The following AUTS2 variants were observed in gnomAD, a reference collection of about 807,000 sequenced individuals.
The protein encoded by AUTS2 is activator of transcription and developmental regulator AUTS2.
Under a neutral mutation model 112.4 loss-of-function variants are expected in AUTS2, and 17 were observed. The observed-to-expected ratio is 0.15, with a 90% confidence interval of 0.10 to 0.23. The LOEUF (loss-of-function observed/expected upper bound fraction) is 0.23. Among genes scored for constraint, AUTS2 ranks in the 10% least tolerant of loss-of-function variants. The pLI is 1.00. For missense variants in AUTS2, 1,510 were observed against 1,701.6 expected, an observed-to-expected ratio of 0.89 and a Z score of 1.98; for synonymous variants, 751 against 702.7, an observed-to-expected ratio of 1.07 and a Z score of -1.09.
At chr7:70,286,186 CA>C (rs1419842977) in intron 4 of AUTS2, among the ~76,000 whole-genome samples, 2 of 152,160 alleles carry the variant, frequency 1.3e-5, no homozygotes, top group Non-Finnish European at 2.9e-5. Context: ...AGGTCATTGG[CA>C]GCGTAAAAAT....
chr7:70,516,918 A>G (rs1282397576), intron 5 of AUTS2, among the ~76,000 whole-genome samples: 1 of 152,142 alleles, frequency 6.6e-6, no homozygotes, highest in Non-Finnish European at 1.5e-5. Flanking sequence ...CCTGGTTACA[A>G]TGAAAAAAAA....
At chr7:70,497,800 G>A (rs1798615234) in intron 5 of AUTS2, among the ~76,000 whole-genome samples, 1 of 152,160 alleles carries the variant, frequency 6.6e-6, no homozygotes, top group Non-Finnish European at 1.5e-5. Context: ...GTCTGAGAAA[G>A]CACAGGGCCT....
intron 4 of AUTS2, among the ~76,000 whole-genome samples, chr7:70,341,918 G>A (rs760066395): frequency 1.3e-5 from 2 of 152,194 alleles, no homozygotes; most frequent in Non-Finnish European, 2.9e-5. Flanking sequence ...TATAGGTTCT[G>A]GTTTTCTTGA....
chr7:69,767,912 G>A (rs762898573), intron 1 of AUTS2, among the ~76,000 whole-genome samples: 35 of 152,160 alleles, frequency 2.3e-4, no homozygotes, highest in Non-Finnish European at 1.5e-4. Flanking sequence ...CTCCTCTAGA[G>A]CAAGTTAGTC....
At chr7:70,340,783 A>G (rs1791228257) in intron 4 of AUTS2, among the ~76,000 whole-genome samples, 2 of 152,246 alleles carry the variant, frequency 1.3e-5, no homozygotes, top group African/African-American at 4.8e-5. Context: ...TGACATTTAC[A>G]ATTCTGCTAA....
intron 1 of AUTS2, among the ~76,000 whole-genome samples, chr7:69,737,632 C>A (rs1454806893): frequency 6.6e-6 from 1 of 152,118 alleles, no homozygotes; most frequent in Non-Finnish European, 1.5e-5. Flanking sequence ...GAGCAGCCTG[C>A]CTTGTTCATG....
intron 2 of AUTS2, among the ~76,000 whole-genome samples, chr7:70,080,828 A>G (rs1562671167): frequency 6.6e-6 from 1 of 152,184 alleles, no homozygotes; most frequent in Non-Finnish European, 1.5e-5. Flanking sequence ...AATGCCACCA[A>G]CTGTCGAACA....
intron 1 of AUTS2, among the ~76,000 whole-genome samples, chr7:69,887,737 A>G (rs751376729): frequency 1.5e-4 from 23 of 152,226 alleles, no homozygotes; most frequent in Non-Finnish European, 2.8e-4. Flanking sequence ...ATTCTGTGGA[A>G]TATCTGCAAC....
At chr7:70,705,649 A>G (rs1279247661) in intron 6 of AUTS2, among the ~76,000 whole-genome samples, 1 of 151,916 alleles carries the variant, frequency 6.6e-6, no homozygotes, top group Non-Finnish European at 1.5e-5. Flanking sequence ...CCTCCACCCC[A>G]CAGACTTGAC....
At chr7:70,747,029 A>G (rs1354973721) in intron 6 of AUTS2, among the ~76,000 whole-genome samples, 1 of 152,152 alleles carries the variant, frequency 6.6e-6, no homozygotes, top group African/African-American at 2.4e-5. Flanking sequence ...GGGACAGGAC[A>G]GAGTGGGAGT....
chr7:69,928,560 C>T (rs1037616340), intron 2 of AUTS2, among the ~76,000 whole-genome samples: 15 of 152,194 alleles, frequency 9.9e-5, no homozygotes, highest in Non-Finnish European at 2.9e-5. Flanking sequence ...TAGCAGGGGG[C>T]TGGTATACCA....
Position 70,690,344 on chromosome 7 carries a change from C to G in AUTS2, c.691-8225C>G, listed in dbSNP as rs1028278330. On this transcript the variant is annotated intron_variant, in intron 5 of 18. Transcript: ENST00000342771. ...AGGCATGGTGACATCCTTGCCGAGG[C>G]TAGTTGGAGTTATCACCCTCCTTCA... Among the ~76,000 whole-genome samples, 3 of 152,350 alleles carry G rather than the reference C, an allele frequency of 2.0e-5. No homozygotes were observed. The South Asian group carries it at 6.2e-4, about 32-fold the overall frequency.
At chr7:69,636,357 A>AGTAC (rs1025746314) in intron 1 of AUTS2, among the ~76,000 whole-genome samples, 8 of 151,894 alleles carry the variant, frequency 5.3e-5, no homozygotes, top group African/African-American at 1.9e-4. Flanking sequence ...CAGCCTCCTG[A>AGTAC]GTACGTAGCT....
At chr7:70,406,344 C>A (rs1794532333) in intron 4 of AUTS2, among the ~76,000 whole-genome samples, 1 of 152,160 alleles carries the variant, frequency 6.6e-6, no homozygotes, top group African/African-American at 2.4e-5. Context: ...CCGGTTGGAG[C>A]TGGTGTGACA....
At chr7:70,698,162 G>A (rs533578434) in intron 5 of AUTS2, among the ~76,000 whole-genome samples, 1 of 152,086 alleles carries the variant, frequency 6.6e-6, no homozygotes, top group Admixed American at 6.5e-5. Context: ...TAAATAATAG[G>A]CATTTCTGAT....
At chr7:70,307,396 A>G (rs1789538632) in intron 4 of AUTS2, among the ~76,000 whole-genome samples, 1 of 152,170 alleles carries the variant, frequency 6.6e-6, no homozygotes, top group South Asian at 2.1e-4. Flanking sequence ...AGGGGTGGCA[A>G]ACCTGACCCT....
At chr7:69,921,954 C>T (rs1795834524) in intron 2 of AUTS2, among the ~76,000 whole-genome samples, 1 of 151,832 alleles carries the variant, frequency 6.6e-6, no homozygotes, top group Non-Finnish European at 1.5e-5. Context: ...ATCCCAGCTG[C>T]TTGGGAGGCT....
At chr7:69,637,300 T>C (rs1353785084) in intron 1 of AUTS2, among the ~76,000 whole-genome samples, 1 of 152,242 alleles carries the variant, frequency 6.6e-6, no homozygotes, top group Non-Finnish European at 1.5e-5. Context: ...TTAACATTTT[T>C]TATGCATACT....
chr7:69,681,465 G>T (rs1796792324), intron 1 of AUTS2, among the ~76,000 whole-genome samples: 1 of 152,164 alleles, frequency 6.6e-6, no homozygotes, highest in Non-Finnish European at 1.5e-5. Flanking sequence ...GATTAGGGTG[G>T]CCTGTTCCAA....
Sources: allele counts gnomAD v4.1 joint callset (sites outside exome capture counted in the v4.1 genomes callset), GRCh38; gene constraint gnomAD v4.1.1; transcripts MANE v1.5; gene names NCBI Gene and HGNC (gene_info 2026-07-23, HGNC 2026-07-21).